The following PLCE1 variants were observed in gnomAD, a reference collection of about 807,000 sequenced individuals.
PLCE1 encodes the protein 1-phosphatidylinositol 4,5-bisphosphate phosphodiesterase epsilon-1.
A neutral mutation model predicts 242.8 loss-of-function variants in PLCE1; 119 were observed. That is an observed-to-expected ratio of 0.49 (90% CI 0.42 to 0.57). The LOEUF is 0.57. PLCE1 is among the 20% of genes least tolerant of loss of function. The pLI, the probability that PLCE1 is intolerant of heterozygous loss-of-function variation, is 0.00. For synonymous variants in PLCE1, 945 were observed against 1,017.4 expected (o/e 0.93, Z 1.35); for missense variants, 2,441 against 2,788.8 (o/e 0.88, Z 2.81).
At chr10:93,998,565 A>C (rs2060874015) in intron 1 of PLCE1, among the ~76,000 whole-genome samples, 1 of 152,212 alleles carries the variant, frequency 6.6e-6, no homozygotes, top group South Asian at 2.1e-4. Flanking sequence ...AAATAGCAAT[A>C]GTAATTGTAC....
intron 8 of PLCE1, among the ~76,000 whole-genome samples, chr10:94,247,288 A>G (rs751645265): frequency 6.6e-5 from 10 of 151,528 alleles, no homozygotes; most frequent in Non-Finnish European, 1.5e-4. Context: ...TGCAGATGGG[A>G]GAACTATAAT....
At chr10:94,193,239 A>G (rs891052808) in intron 4 of PLCE1, among the ~76,000 whole-genome samples, 4 of 152,130 alleles carry the variant, frequency 2.6e-5, no homozygotes, top group African/African-American at 9.7e-5. Flanking sequence ...TCACTTGGAG[A>G]CCGCCAACAC....
rs1225942355 is a variant in PLCE1, at chr10:94,032,017, T to C, written c.971T>C (p.Leu324Ser). Residue 324 changes from leucine (L) to serine (S), a missense_variant, in exon 2 of 33, where the codon TTG becomes TCG. Leu to Ser is a moderately radical substitution (Grantham distance 145). Transcript: ENST00000371380. ...AFKSKKERST[L>S]LVRRFCKNDR... The stretch of plus-strand genomic sequence containing the variant: ...AAAAGCAAAAAGGAGCGATCCACTT[T>C]GTTAGTCAGGAGATTCTGTAAAAAT... The C allele has an allele frequency of 1.2e-6, 2 of 1,613,834 alleles. No homozygotes were observed. The highest frequency in any genetic ancestry group is 1.7e-6 in the Non-Finnish European group (2 of 1,179,832).
rs761862829 is a variant in PLCE1 at position 94,031,370 on chromosome 10, CAT to C, written c.327_328del (p.Leu110GlufsTer14). On this transcript the variant is annotated frameshift_variant, in exon 2 of 33. Transcript: ENST00000371380. LOFTEE classifies it high-confidence loss of function. ...AKNLNINCNN[I>X]LRNHQHGLPQ... is the part of the protein sequence containing the mutation. ...AAAACCTTAACATTAACTGCAACAA[CAT>C]ATTGAGAAACCATCAGCATGGCCTT... is the stretch of plus-strand genomic sequence containing the variant. 1.1e-5 allele frequency: 18 copies of C among 1,613,716 alleles called. No homozygotes were observed. Among genetic ancestry groups the C allele is most frequent in the Non-Finnish European group, 1.4e-5 (17 of 1,179,840 alleles).
At chr10:94,315,334 T>A (rs2053529968) in intron 28 of PLCE1, 3 of 450,928 alleles carry the variant, frequency 6.7e-6, no homozygotes, top group South Asian at 1.6e-5. Context: ...GAGAAGGGTG[T>A]TTGCTTAATC....
chr10:94,029,633 G>A (rs1479436346), intron 1 of PLCE1, among the ~76,000 whole-genome samples: 1 of 152,126 alleles, frequency 6.6e-6, no homozygotes, highest in Non-Finnish European at 1.5e-5. Flanking sequence ...AGTAGTTGTA[G>A]AGACATGAAT....
At chr10:94,256,885 G>A (rs1038889886) in intron 11 of PLCE1, among the ~76,000 whole-genome samples, 1 of 152,232 alleles carries the variant, frequency 6.6e-6, no homozygotes, top group African/African-American at 2.4e-5. Flanking sequence ...TCCTAAGTCT[G>A]ATAGTGGGAA....
intron 24 of PLCE1, among the ~76,000 whole-genome samples, chr10:94,303,396 C>A (rs2053102434): frequency 6.6e-6 from 1 of 152,148 alleles, no homozygotes; most frequent in South Asian, 2.1e-4. Flanking sequence ...TGCAAGAATC[C>A]AATTGTTCAT....
chr10:94,067,359 AC>A (rs2044227954), intron 2 of PLCE1, among the ~76,000 whole-genome samples: 1 of 152,162 alleles, frequency 6.6e-6, no homozygotes, highest in Non-Finnish European at 1.5e-5. Flanking sequence ...TTCAGAAAGC[AC>A]CATTAAAAGC....
chr10:94,152,408 A>C (rs957915631), intron 3 of PLCE1, among the ~76,000 whole-genome samples: 1 of 152,210 alleles, frequency 6.6e-6, no homozygotes, highest in East Asian at 1.9e-4. Context: ...GAACGCTGCA[A>C]ATCTATGACC....
chr10:94,252,499 G>A lies in PLCE1; in HGVS notation c.3279+1G>A, dbSNP rs868776236. 6.2e-7 allele frequency: 1 copy of A among 1,611,172 alleles called. No individual in the cohort carries two copies. Among genetic ancestry groups the A allele is most frequent in the Non-Finnish European group, 8.5e-7 (1 of 1,178,372 alleles). ...GAAAAAGAAGAAAATCCTCATGAGGGTAGAGTGTTATTTGTTTATTAAGCA... is the reference window on the plus strand; with the variant it reads ...GAAAAAGAAGAAAATCCTCATGAGGATAGAGTGTTATTTGTTTATTAAGCA... On this transcript the variant is annotated splice_donor_variant, in intron 9 of 32. Coordinates refer to ENST00000371380, the MANE Select transcript of PLCE1 (RefSeq NM_016341.4). LOFTEE classifies it high-confidence loss of function.
intron 24 of PLCE1, among the ~76,000 whole-genome samples, chr10:94,299,955 C>T (rs1474602461): frequency 6.6e-6 from 1 of 152,140 alleles, no homozygotes; most frequent in Non-Finnish European, 1.5e-5. Context: ...GATTTGGGCT[C>T]ACAAATGGAA....
In PLCE1 at chr10:94,189,772, C is replaced by A. The variant is rs1178905652; in HGVS notation, c.1809+18276C>A. On this transcript the variant is annotated intron_variant, in intron 4 of 32. Transcript: ENST00000371380. ...GGGAGGGGTCAAGACTGAATTCAGG[C>A]TTTCCAAGCGTGGCTTTCGGAATAA... Among the ~76,000 whole-genome samples the A allele has an allele frequency of 2.0e-5, 3 of 152,140 alleles. No homozygotes were observed. The South Asian group carries it at 6.2e-4, about 31-fold the overall frequency.
At chr10:94,067,405 A>G (rs1418131161) in intron 2 of PLCE1, among the ~76,000 whole-genome samples, 2 of 152,224 alleles carry the variant, frequency 1.3e-5, no homozygotes, top group Non-Finnish European at 2.9e-5. Context: ...AAACATCCTG[A>G]ACCCAGGAGC....
In PLCE1 at chr10:94,236,131, C is replaced by G. The variant is rs773286543; in HGVS notation, c.2420+11C>G. Reference sequence around the variant, plus strand: ...TAAAAGCCGATGGCAGTAAGTTTTACACGTTAAAAGTGAGGAATGCTCATC... The same window carrying G: ...TAAAAGCCGATGGCAGTAAGTTTTAGACGTTAAAAGTGAGGAATGCTCATC... On this transcript the variant is annotated intron_variant, in intron 7 of 32. Transcript: ENST00000371380. 2 of 1,608,612 alleles carry G rather than the reference C, an allele frequency of 1.2e-6. No homozygotes were observed. The highest frequency in any genetic ancestry group is 2.7e-5 in the African/African-American group (2 of 74,832).
At chr10:94,046,750 A>T (rs1282126981) in intron 2 of PLCE1, among the ~76,000 whole-genome samples, 1 of 152,184 alleles carries the variant, frequency 6.6e-6, no homozygotes, top group Non-Finnish European at 1.5e-5. Context: ...TCAAATTCTG[A>T]CCTGGCACTT....
intron 32 of PLCE1, 53 bp downstream of exon 32, chr10:94,325,157 G>C (rs2053963252): frequency 8.0e-7 from 1 of 1,244,270 alleles, no homozygotes; most frequent in Non-Finnish European, 1.2e-6. Context: ...AAACTACTTT[G>C]TAAGGAAGGC....
At chr10:94,149,428 C>T (rs1332307961) in intron 3 of PLCE1, among the ~76,000 whole-genome samples, 2 of 152,186 alleles carry the variant, frequency 1.3e-5, no homozygotes, top group Non-Finnish European at 2.9e-5. Context: ...ATAAAAACAA[C>T]AGCAATAATA....
chr10:94,292,990 A>G (rs3781266), intron 22 of PLCE1, among the ~76,000 whole-genome samples: 12,226 of 152,278 alleles, frequency 0.08, 579 homozygotes, highest in East Asian at 0.19. Context: ...CATTATCACC[A>G]TATTTCCCAT....
Sources: gnomAD v4.1 joint callset for allele counts (sites outside exome capture counted in the v4.1 genomes callset) on GRCh38, gnomAD v4.1.1 for gene constraint, MANE v1.5 for transcripts, NCBI Gene and HGNC (gene_info 2026-07-23, HGNC 2026-07-21) for gene names.